GRID2: variants seen among roughly 807,000 people sequenced by gnomAD.
The protein encoded by GRID2 is glutamate ionotropic receptor delta type subunit 2.
In GRID2, 33 loss-of-function variants were observed where a neutral mutation model predicts 114.8. That is an observed-to-expected ratio of 0.29 (90% CI 0.22 to 0.38). The LOEUF is 0.38. Among genes scored for constraint, GRID2 ranks in the 10% least tolerant of loss-of-function variants. The probability of loss-of-function intolerance (pLI) is 1.00; values close to 1 mark genes in which losing one functional copy is unlikely to be tolerated. For missense variants in GRID2, 1,184 were observed against 1,257.7 expected (o/e 0.94, Z 0.89); for synonymous variants, 505 against 449.9 (o/e 1.12, Z -1.55).
At chr4:93,193,016 T>C (rs1445624113) in intron 4 of GRID2, among the ~76,000 whole-genome samples, 2 of 152,198 alleles carry the variant, frequency 1.3e-5, no homozygotes, top group Non-Finnish European at 2.9e-5. Flanking sequence ...TCAACAATTG[T>C]GGTGATCAAA....
At chr4:93,258,850 C>G (rs1301872504) in intron 8 of GRID2, 2 of 450,068 alleles carry the variant, frequency 4.4e-6, no homozygotes, top group Non-Finnish European at 8.9e-6. Context: ...TTAACAAACA[C>G]AACTACTGCA....
chr4:93,065,038 G>GT (rs2149297756), intron 2 of GRID2, among the ~76,000 whole-genome samples: 1 of 151,930 alleles, frequency 6.6e-6, no homozygotes, highest in Middle Eastern at 3.4e-3. Context: ...AGGCTATCGT[G>GT]TTTTTGTGTT....
chr4:92,415,929 G>T, intron 1 of GRID2, among the ~76,000 whole-genome samples: 1 of 151,402 alleles, frequency 6.6e-6, no homozygotes, highest in South Asian at 2.1e-4. Flanking sequence ...TCAGTCGTGG[G>T]CTTGCTGGAT....
intron 2 of GRID2, among the ~76,000 whole-genome samples, chr4:92,946,814 A>G (rs1751671808): frequency 6.6e-6 from 1 of 152,042 alleles, no homozygotes; most frequent in Admixed American, 6.6e-5. Flanking sequence ...CCAATCTTGT[A>G]ATTTCTGATT....
chr4:92,873,117 A>AT (rs1305475948), intron 2 of GRID2, among the ~76,000 whole-genome samples: 1 of 152,032 alleles, frequency 6.6e-6, no homozygotes, highest in Non-Finnish European at 1.5e-5. Context: ...TAAAATGAAA[A>AT]TTTTTTTGTT....
chr4:93,748,181 C>T (rs1160176814), intron 14 of GRID2, among the ~76,000 whole-genome samples: 1 of 151,978 alleles, frequency 6.6e-6, no homozygotes, highest in Admixed American at 6.6e-5. Context: ...GGAAGTCTAA[C>T]AAAGTTGAGA....
intron 3 of GRID2, among the ~76,000 whole-genome samples, chr4:93,108,053 G>A (rs1453801621): frequency 6.6e-6 from 1 of 152,062 alleles, no homozygotes; most frequent in Non-Finnish European, 1.5e-5. Context: ...TTGATCCACA[G>A]GCTCTTTAAT....
intron 1 of GRID2, among the ~76,000 whole-genome samples, chr4:92,408,263 G>A (rs902043603): frequency 6.6e-6 from 1 of 151,642 alleles, no homozygotes; most frequent in African/African-American, 2.4e-5. Flanking sequence ...TAGGTATGTG[G>A]GTTTATTTCT....
chr4:93,553,887 T>C (rs1002031966), intron 13 of GRID2, among the ~76,000 whole-genome samples: 1 of 152,194 alleles, frequency 6.6e-6, no homozygotes, highest in Non-Finnish European at 1.5e-5. Flanking sequence ...CCATGGATAT[T>C]ATACTTACTC....
At chr4:92,991,675 T>G (rs1754914311) in intron 2 of GRID2, among the ~76,000 whole-genome samples, 1 of 152,156 alleles carries the variant, frequency 6.6e-6, no homozygotes, top group Admixed American at 6.5e-5. Flanking sequence ...CTGAGTTTCT[T>G]AAAAAGGATT....
chr4:92,449,709 A>ATATATATATG (rs1421227641), intron 1 of GRID2, among the ~76,000 whole-genome samples: 1 of 142,836 alleles, frequency 7.0e-6, no homozygotes, highest in Non-Finnish European at 1.5e-5. Flanking sequence ...ATATATATAT[A>ATATATATATG]TAACACTTAA....
At chr4:92,938,743 T>C (rs1235176316) in intron 2 of GRID2, among the ~76,000 whole-genome samples, 1 of 114,140 alleles carries the variant, frequency 8.8e-6, no homozygotes, top group African/African-American at 3.2e-5. Context: ...GTCCCCAGAG[T>C]GTGATGTTCC....
chr4:92,841,651 A>G (rs1742905187), intron 2 of GRID2, among the ~76,000 whole-genome samples: 1 of 152,098 alleles, frequency 6.6e-6, no homozygotes, highest in African/African-American at 2.4e-5. Flanking sequence ...CATGCTCTCC[A>G]GTTCTCTGTG....
intron 14 of GRID2, among the ~76,000 whole-genome samples, chr4:93,755,560 G>T (rs528938396): frequency 1.8e-4 from 27 of 152,210 alleles, no homozygotes; most frequent in African/African-American, 6.5e-4. Flanking sequence ...AATCCAGGTA[G>T]TCTATTTAAA....
intron 2 of GRID2, among the ~76,000 whole-genome samples, chr4:92,675,113 C>G (rs6847922): frequency 0.061 from 9,298 of 152,214 alleles, 341 homozygotes; most frequent in East Asian, 0.16. Flanking sequence ...GGTCCAACAA[C>G]TTGATCTTTT....
intron 1 of GRID2, among the ~76,000 whole-genome samples, chr4:92,388,810 A>T (rs1306169659): frequency 6.6e-6 from 1 of 152,054 alleles, no homozygotes; most frequent in African/African-American, 2.4e-5. Flanking sequence ...TCCCTGTTAC[A>T]ATTTTTTTGT....
At chr4:93,124,042 C>G (rs1433970914) in intron 4 of GRID2, among the ~76,000 whole-genome samples, 2 of 146,690 alleles carry the variant, frequency 1.4e-5, no homozygotes, top group Non-Finnish European at 3.0e-5. Context: ...ACCAGCATGG[C>G]ACATGTATAC....
At chr4:92,711,990 A>G (rs974520353) in intron 2 of GRID2, among the ~76,000 whole-genome samples, 22 of 152,240 alleles carry the variant, frequency 1.4e-4, no homozygotes, top group Non-Finnish European at 2.1e-4. Flanking sequence ...ACTGATTCAT[A>G]GTCCATCTGC....
chr4:92,969,393 C>T (rs538673643), intron 2 of GRID2, among the ~76,000 whole-genome samples: 1 of 151,312 alleles, frequency 6.6e-6, no homozygotes, highest in Non-Finnish European at 1.5e-5. Context: ...AAATTGTTAT[C>T]ATGATTAATA....
Sources: allele counts gnomAD v4.1 joint callset (sites outside exome capture counted in the v4.1 genomes callset), GRCh38; gene constraint gnomAD v4.1.1; transcripts MANE v1.5; gene names NCBI Gene and HGNC (gene_info 2026-07-23, HGNC 2026-07-21).